Variants in TMPRSS11D observed in about 807,000 individuals in gnomAD.
TMPRSS11D encodes the protein transmembrane serine protease 11D, also known as transmembrane protease serine 11D.
A neutral mutation model predicts 44.4 loss-of-function variants in TMPRSS11D; 32 were observed. That is an observed-to-expected ratio of 0.72 (90% CI 0.54 to 0.97). The LOEUF (loss-of-function observed/expected upper bound fraction) is 0.97. Ranked by LOEUF, TMPRSS11D falls within the 50% of genes least tolerant of loss-of-function variation. The pLI is 0.00. For synonymous variants in TMPRSS11D, 179 were observed against 177.9 expected (o/e 1.01, Z -0.05); for missense variants, 446 against 502.6 (o/e 0.89, Z 1.08).
intron 3 of TMPRSS11D, among the ~76,000 whole-genome samples, chr4:67,842,866 A>G (rs954380033): frequency 6.6e-6 from 1 of 152,196 alleles, no homozygotes; most frequent in African/African-American, 2.4e-5. Flanking sequence ...GTTTTTTGCT[A>G]GAAGTCATTC....
chr4:67,822,296 C>A lies in TMPRSS11D; in HGVS notation c.*41G>T, dbSNP rs534036456. 7 of 1,594,498 alleles carry A rather than the reference C, an allele frequency of 4.4e-6. No individual in the cohort carries two copies. In the African/African-American group the frequency reaches 8.0e-5, roughly 18 times the overall value. Reference sequence around the variant, plus strand: ...AAAGCTTTGGAATTTAAGACAGGCACACCTGCATACAGACTTTGCAACAGG... The same window carrying A: ...AAAGCTTTGGAATTTAAGACAGGCAAACCTGCATACAGACTTTGCAACAGG... On this transcript the variant is annotated 3_prime_UTR_variant, in exon 10 of 10. Coordinates refer to ENST00000283916, the MANE Select transcript of TMPRSS11D (RefSeq NM_004262.3).
intron 3 of TMPRSS11D, among the ~76,000 whole-genome samples, chr4:67,848,742 G>A (rs1353235714): frequency 6.6e-6 from 1 of 152,168 alleles, no homozygotes; most frequent in Non-Finnish European, 1.5e-5. Context: ...GAGGAAACAG[G>A]TTGTACTTAA....
chr4:67,864,500 A>G (rs1053233593), intron 1 of TMPRSS11D, among the ~76,000 whole-genome samples: 1 of 152,044 alleles, frequency 6.6e-6, no homozygotes, highest in African/African-American at 2.4e-5. Flanking sequence ...AGAAAGAGAA[A>G]GAAACAAAAT....
chr4:67,842,774 A>G lies in TMPRSS11D; in HGVS notation c.250-149T>C, dbSNP rs546173978. Reference sequence around the variant, plus strand: ...CTAATTCCATTGCAAAACACATGGGATTGATTTGGGCAGGTTCTATAACCT... The same window carrying G: ...CTAATTCCATTGCAAAACACATGGGGTTGATTTGGGCAGGTTCTATAACCT... On this transcript the variant is annotated intron_variant, in intron 3 of 9. Transcript: ENST00000283916. 24 of 703,764 alleles carry G rather than the reference A, an allele frequency of 3.4e-5. No homozygotes were observed. The African/African-American group carries it at 3.6e-4, about 11-fold the overall frequency. 43.6% of individuals were successfully genotyped at this position (703,764 alleles called of 1,614,324 possible).
intron 7 of TMPRSS11D, among the ~76,000 whole-genome samples, chr4:67,829,269 G>T (rs1250541194): frequency 6.6e-6 from 1 of 151,922 alleles, no homozygotes; most frequent in Non-Finnish European, 1.5e-5. Flanking sequence ...GCTTACAAAA[G>T]TGTCTTGAAC....
Position 67,822,432 on chromosome 4 carries a change from T to A in TMPRSS11D, c.1162A>T (p.Ser388Cys). Reference sequence around the variant, plus strand: ...GGCAGGCCACACTGATCTCCCCAGCTTACTATCCCCACAATAAACCAAAGC... The same window carrying A: ...GGCAGGCCACACTGATCTCCCCAGCATACTATCCCCACAATAAACCAAAGC... ...RRLWFIVGIV[S>C]WGDQCGLPDK... Residue 388 changes from serine to cysteine, a missense_variant, in exon 10 of 10, where the codon AGC (serine) becomes TGC (cysteine). By Grantham distance (112) the Ser-to-Cys change is moderately radical. Transcript: ENST00000283916. 1 of 1,613,928 alleles carries A rather than the reference T, an allele frequency of 6.2e-7. No individual in the cohort carries two copies.
chr4:67,846,148 T>C (rs900884907), intron 3 of TMPRSS11D, among the ~76,000 whole-genome samples: 9 of 152,130 alleles, frequency 5.9e-5, no homozygotes, highest in African/African-American at 1.7e-4. Context: ...AAGGAGGAGA[T>C]AAAATATGTG....
chr4:67,832,237 T>A (rs761383261), intron 7 of TMPRSS11D, among the ~76,000 whole-genome samples: 28 of 151,942 alleles, frequency 1.8e-4, no homozygotes, highest in Non-Finnish European at 4.0e-4. Context: ...GAGGTCCAGT[T>A]TAGAGTAAGA....
rs191606172 is a variant in TMPRSS11D at position 67,833,463 on chromosome 4, T to G, written c.515-82A>C. 1.0e-5 allele frequency: 13 copies of G among 1,255,396 alleles called. 2 individuals are homozygous for G. In the African/African-American group the frequency reaches 2.0e-4, roughly 19 times the overall value. The allele number at this position is 1,255,396 out of a possible 1,614,324, so 77.8% of individuals were successfully genotyped here. A position where few individuals can be genotyped will look rare whatever the true frequency, so the allele number is the denominator to read the frequency against. On this transcript the variant is annotated intron_variant, in intron 6 of 9. Transcript: ENST00000283916. Reference sequence around the variant, plus strand: ...GAAGCTGAAGAGTCTTTCCATAATTTATGACTTTTATGTCTTATACATTCT... The same window carrying G: ...GAAGCTGAAGAGTCTTTCCATAATTGATGACTTTTATGTCTTATACATTCT...
rs1340816054 is a variant in TMPRSS11D, at chr4:67,827,137, T to C, written c.952+124A>G. Reference sequence around the variant, plus strand: ...TAGCCAGAGCTTGGGCTGAGCAGAATATAGAATGGTTCTGTCTGTAGAAGA... The same window carrying C: ...TAGCCAGAGCTTGGGCTGAGCAGAACATAGAATGGTTCTGTCTGTAGAAGA... On this transcript the variant is annotated intron_variant, in intron 8 of 9. Coordinates refer to ENST00000283916, the MANE Select transcript of TMPRSS11D (RefSeq NM_004262.3). 2.3e-6 allele frequency: 3 copies of C among 1,309,048 alleles called. No homozygotes were observed. The African/African-American group carries it at 4.5e-5, about 20-fold the overall frequency. 81.1% of individuals were successfully genotyped at this position (1,309,048 alleles called of 1,614,324 possible).
chr4:67,855,081 C>A (rs1718601871), intron 2 of TMPRSS11D, among the ~76,000 whole-genome samples: 1 of 151,920 alleles, frequency 6.6e-6, no homozygotes, highest in Non-Finnish European at 1.5e-5. Flanking sequence ...ATGGTGAAAC[C>A]CTGTCTCTAC....
intron 1 of TMPRSS11D, among the ~76,000 whole-genome samples, chr4:67,860,589 T>A (rs567387857): frequency 1.8e-4 from 27 of 152,232 alleles, no homozygotes; most frequent in African/African-American, 6.5e-4. Context: ...CATGCCTATG[T>A]TTAACATAGG....
intron 6 of TMPRSS11D, 60 bp from the exon 7 acceptor site, chr4:67,833,441 G>A (rs1420213739): frequency 1.5e-6 from 2 of 1,333,094 alleles, no homozygotes; most frequent in South Asian, 2.2e-5. Context: ...TTTGGAAGAA[G>A]CTGAAGAGTC....
At chr4:67,881,402 T>A (rs1176761797) in intron 1 of TMPRSS11D, among the ~76,000 whole-genome samples, 1 of 152,160 alleles carries the variant, frequency 6.6e-6, no homozygotes, top group Non-Finnish European at 1.5e-5. Context: ...TGCAGGCCCG[T>A]CCCACACCAT....
chr4:67,849,405 T>C (rs1718440216), intron 3 of TMPRSS11D, among the ~76,000 whole-genome samples: 1 of 152,158 alleles, frequency 6.6e-6, no homozygotes, highest in South Asian at 2.1e-4. Context: ...AATGGGCATG[T>C]ATGTATGGGA....
chr4:67,863,744 T>C (rs1718851390), intron 1 of TMPRSS11D, among the ~76,000 whole-genome samples: 1 of 152,006 alleles, frequency 6.6e-6, no homozygotes, highest in Admixed American at 6.6e-5. Context: ...AAAATTTAAA[T>C]GATAAAGACA....
intron 3 of TMPRSS11D, among the ~76,000 whole-genome samples, chr4:67,843,847 G>A (rs1161600610): frequency 3.3e-5 from 5 of 152,104 alleles, no homozygotes; most frequent in South Asian, 2.1e-4. Flanking sequence ...CACTTGAACC[G>A]GGGAGGTAGA....
chr4:67,862,640 A>T (rs1718816840), intron 1 of TMPRSS11D, among the ~76,000 whole-genome samples: 2 of 152,286 alleles, frequency 1.3e-5, no homozygotes, highest in South Asian at 4.1e-4. Flanking sequence ...CACAATAGCG[A>T]AGACTTGGAA....
intron 9 of TMPRSS11D, among the ~76,000 whole-genome samples, chr4:67,824,264 G>C (rs1390412844): frequency 6.6e-6 from 1 of 151,726 alleles, no homozygotes; most frequent in Non-Finnish European, 1.5e-5. Context: ...CTTCAAGGAA[G>C]ATAATAATTT....
Sources: allele counts gnomAD v4.1 joint callset (sites outside exome capture counted in the v4.1 genomes callset), GRCh38; gene constraint gnomAD v4.1.1; transcripts MANE v1.5; gene names NCBI Gene and HGNC (gene_info 2026-07-23, HGNC 2026-07-21).